The following PPFIBP2 variants were observed in gnomAD, a reference collection of about 807,000 sequenced individuals.
PPFIBP2 encodes PPFIB scaffold protein 2.
Under a neutral mutation model 118.3 loss-of-function variants are expected in PPFIBP2, and 118 were observed. The ratio of observed to expected loss-of-function variants is 1.00; its 90% CI spans 0.86 to 1.16. The LOEUF is 1.16. Among genes scored for constraint, PPFIBP2 ranks in the 50% most tolerant of loss-of-function variants. The probability of loss-of-function intolerance (pLI) is 0.00; values close to 1 mark genes in which losing one functional copy is unlikely to be tolerated. For missense variants in PPFIBP2, 1,195 were observed against 1,073.1 expected, an observed-to-expected ratio of 1.11 and a Z score of -1.59; for synonymous variants, 414 against 397.4, an observed-to-expected ratio of 1.04 and a Z score of -0.50.
chr11:7,649,458 G>A (rs1853641365), intron 20 of PPFIBP2, 74 bp from the exon 21 acceptor site: 2 of 1,581,032 alleles, frequency 1.3e-6, no homozygotes, highest in Non-Finnish European at 1.7e-6. Flanking sequence ...TCTATGCTTG[G>A]TCTGGTGAGG....
intron 3 of PPFIBP2, among the ~76,000 whole-genome samples, chr11:7,582,519 C>T (rs1243186182): frequency 2.0e-5 from 3 of 152,186 alleles, no homozygotes; most frequent in Non-Finnish European, 4.4e-5. Context: ...ACACCAGGGT[C>T]ATTTGCTGAA....
Position 7,648,473 on chromosome 11 carries a change from T to C in PPFIBP2, c.1733T>C (p.Phe578Ser). Reference protein sequence around the residue: ...EDFGLAQYVIFARQWVSSGHT... With the variant: ...EDFGLAQYVISARQWVSSGHT... ...TTTGGCCTGGCTCAGTATGTGATCT[T>C]TGCCAGGCAGTGGGTATCTTCTGGC... Residue 578 changes from phenylalanine (F) to serine (S), a missense_variant, in exon 18 of 24, where the codon TTT becomes TCT. Phe to Ser is a radical substitution (Grantham distance 155, BLOSUM62 -2). Transcript: ENST00000299492. 1.2e-6 allele frequency: 2 copies of C among 1,614,082 alleles called. No homozygotes were observed. The highest frequency in any genetic ancestry group is 1.1e-5 in the South Asian group (1 of 91,068).
chr11:7,653,063 A>G lies in PPFIBP2; in HGVS notation c.2476A>G (p.Lys826Glu). Reference protein sequence around the residue: ...LGFSHFGNIRKKKFDESTDYI... With the variant: ...LGFSHFGNIREKKFDESTDYI... ...ATTTTCACACTTCGGAAACATAAGA[A>G]AAAAGAAGTTCGATGAATCGACGGA... Residue 826 changes from lysine (K) to glutamate (E), a missense_variant, in exon 24 of 24, where the codon AAA becomes GAA. Coordinates refer to ENST00000299492, the MANE Select transcript of PPFIBP2 (RefSeq NM_003621.5). 5.0e-6 allele frequency: 8 copies of G among 1,613,420 alleles called. No individual in the cohort carries two copies. Among genetic ancestry groups the G allele is most frequent in the Non-Finnish European group, 6.8e-6 (8 of 1,179,448 alleles).
intron 3 of PPFIBP2, among the ~76,000 whole-genome samples, chr11:7,588,425 T>G (rs188790801): frequency 1.2e-4 from 18 of 152,308 alleles, no homozygotes; most frequent in African/African-American, 3.6e-4. Context: ...TGATACATTT[T>G]CCTGAGGCCC....
intron 5 of PPFIBP2, among the ~76,000 whole-genome samples, chr11:7,607,167 C>A (rs1216157414): frequency 2.7e-5 from 4 of 150,658 alleles, no homozygotes; most frequent in African/African-American, 9.7e-5. Flanking sequence ...GCCTCGGCCT[C>A]CCAAAGTGCT....
chr11:7,613,410 G>A (rs1462381122), intron 6 of PPFIBP2, among the ~76,000 whole-genome samples: 1 of 152,182 alleles, frequency 6.6e-6, no homozygotes, highest in Non-Finnish European at 1.5e-5. Flanking sequence ...GCAGGCGCAG[G>A]TTCCTTGATG....
chr11:7,562,932 TATATA>T (rs1854472371), intron 2 of PPFIBP2, among the ~76,000 whole-genome samples: 2 of 3,626 alleles, frequency 5.5e-4, no homozygotes, highest in Admixed American at 2.0e-3. Context: ...TAAAGTTTTA[TATATA>T]TATATATATA....
Position 7,644,370 on chromosome 11 carries a change from T to C in PPFIBP2, c.1646+1944T>C, listed in dbSNP as rs908656288. ...TAATCCATTTAGGAATTATTATAGT[T>C]TGTGAGTTTATTATGAGTTACTATT... On this transcript the variant is annotated intron_variant, in intron 17 of 23. Coordinates refer to ENST00000299492, the MANE Select transcript of PPFIBP2 (RefSeq NM_003621.5). 2.6e-5 allele frequency among the ~76,000 whole-genome samples: 4 copies of C among 152,218 alleles called. 1 individual carries two copies. In the South Asian group the frequency reaches 8.3e-4, roughly 32 times the overall value.
rs775165102 is a variant in PPFIBP2, at chr11:7,642,442, CT to C, written c.1646+19del. On this transcript the variant is annotated intron_variant, in intron 17 of 23. Transcript: ENST00000299492. ...GACAGAAAAGGTAAGGCTTGACCCACTTTCCTTTGATCTCCCTGCTCTGAAA... is the reference window on the plus strand; with the variant it reads ...GACAGAAAAGGTAAGGCTTGACCCACTTCCTTTGATCTCCCTGCTCTGAAA... 3.7e-6 allele frequency: 6 copies of C among 1,604,810 alleles called. No homozygotes were observed. The highest frequency in any genetic ancestry group is 2.7e-5 in the African/African-American group (2 of 74,632).
At chr11:7,645,766 A>T (rs1289309649) in intron 17 of PPFIBP2, among the ~76,000 whole-genome samples, 2 of 152,218 alleles carry the variant, frequency 1.3e-5, no homozygotes, top group East Asian at 3.9e-4. Flanking sequence ...GAGGTTTTCC[A>T]ATTATGATCT....
At chr11:7,581,028 GGGCCACCATAGGTGACCAGA>G (rs1227116208) in intron 3 of PPFIBP2, among the ~76,000 whole-genome samples, 1 of 152,192 alleles carries the variant, frequency 6.6e-6, no homozygotes, top group Non-Finnish European at 1.5e-5. Flanking sequence ...GCTGCAACCT[GGGCCACCATAGGTGACCAGA>G]GGCCTCATTG....
chr11:7,663,848 T>A, the PPFIBP2 span, among the ~76,000 whole-genome samples: 1 of 152,206 alleles, frequency 6.6e-6, no homozygotes, highest in African/African-American at 2.4e-5. Context: ...TATAATCTCA[T>A]GGTGCGCCGT....
intron 5 of PPFIBP2, among the ~76,000 whole-genome samples, chr11:7,607,064 C>G (rs1013452074): frequency 1.1e-4 from 16 of 151,136 alleles, no homozygotes; most frequent in Non-Finnish European, 8.9e-5. Flanking sequence ...GTGCCCACCA[C>G]CACACCTGGC....
At position 7,651,763 on chromosome 11, in the gene PPFIBP2, T is replaced by C. The variant is rs766547774; in HGVS notation, c.2355T>C (p.Ile785=). Residue 785 remains isoleucine (I), a synonymous_variant, in exon 23 of 24, where the codon ATT becomes ATC. Transcript: ENST00000299492. ...TGACCACCAAGTTCAATGCCTTGAT[T>C]GGTCCGGAGGCTGAACAGGAGAAGC... is the stretch of plus-strand genomic sequence containing the variant. ...RHLTTKFNAL[I]GPEAEQEKRE... 6.2e-7 allele frequency: 1 copy of C among 1,613,978 alleles called. No homozygotes were observed. Among genetic ancestry groups the C allele is most frequent in the African/African-American group, 1.3e-5 (1 of 74,922 alleles).
chr11:7,549,050 A>G (rs1198962548), intron 1 of PPFIBP2, among the ~76,000 whole-genome samples: 1 of 152,190 alleles, frequency 6.6e-6, no homozygotes, highest in Non-Finnish European at 1.5e-5. Context: ...ATTGCCTTGT[A>G]CGCCCTGACA....
chr11:7,521,843 A>G (rs1849784394), intron 1 of PPFIBP2, among the ~76,000 whole-genome samples: 1 of 152,174 alleles, frequency 6.6e-6, no homozygotes, highest in African/African-American at 2.4e-5. Context: ...GAGGAGCAGA[A>G]GCTGAAAGAC....
intron 2 of PPFIBP2, among the ~76,000 whole-genome samples, chr11:7,551,622 T>C (rs1328400111): frequency 6.6e-6 from 1 of 152,206 alleles, no homozygotes; most frequent in Admixed American, 6.5e-5. Context: ...AGTTTTTTGA[T>C]CACAAAGTAA....
intron 5 of PPFIBP2, among the ~76,000 whole-genome samples, chr11:7,609,174 T>C (rs191205638): frequency 2.6e-5 from 4 of 152,358 alleles, no homozygotes; most frequent in African/African-American, 9.6e-5. Context: ...TGATTCATAA[T>C]CTGAGGACGG....
chr11:7,651,845 G>T lies in PPFIBP2; in HGVS notation c.2436+1G>T. On this transcript the variant is annotated splice_donor_variant, in intron 23 of 23. Transcript: ENST00000299492. LOFTEE classifies it high-confidence loss of function. Reference sequence around the variant, plus strand: ...ACTGACCACCACAGCCAAAGTCCGGGTGAGTTGCAGAGCCTTTCTGGGTGG... The same window carrying T: ...ACTGACCACCACAGCCAAAGTCCGGTTGAGTTGCAGAGCCTTTCTGGGTGG... The T allele has an allele frequency of 1.2e-6, 2 of 1,606,648 alleles. No individual in the cohort carries two copies. Among genetic ancestry groups the T allele is most frequent in the Non-Finnish European group, 1.7e-6 (2 of 1,174,060 alleles).
Sources: gnomAD v4.1 joint callset for allele counts (sites outside exome capture counted in the v4.1 genomes callset) on GRCh38, gnomAD v4.1.1 for gene constraint, MANE v1.5 for transcripts, NCBI Gene and HGNC (gene_info 2026-07-23, HGNC 2026-07-21) for gene names.